Variants in ARHGAP12 observed in about 807,000 individuals in gnomAD.
ARHGAP12 encodes the protein rho GTPase-activating protein 12.
A neutral mutation model predicts 108.6 loss-of-function variants in ARHGAP12; 64 were observed. The ratio of observed to expected loss-of-function variants is 0.59; its 90% CI spans 0.48 to 0.73. The LOEUF (loss-of-function observed/expected upper bound fraction) is 0.73. Among genes scored for constraint, ARHGAP12 ranks in the 30% least tolerant of loss-of-function variants. ARHGAP12 has a pLI of 0.00. For synonymous variants in ARHGAP12, 312 were observed against 337.2 expected (o/e 0.93, Z 0.82); for missense variants, 940 against 1,005.9 (o/e 0.93, Z 0.89).
At chr10:31,817,303 AGAAGAAGAAATATAC>A (rs1297765760) in intron 13 of ARHGAP12, among the ~76,000 whole-genome samples, 1 of 152,226 alleles carries the variant, frequency 6.6e-6, no homozygotes, top group Non-Finnish European at 1.5e-5. Context: ...TTGTATATAA[AGAAGAAGAAATATAC>A]TAGGAACACA....
At chr10:31,919,216 T>G (rs1202833833) in intron 1 of ARHGAP12, among the ~76,000 whole-genome samples, 1 of 152,116 alleles carries the variant, frequency 6.6e-6, no homozygotes, top group Non-Finnish European at 1.5e-5. Context: ...TACCAAGGGA[T>G]GGAGAAAGAC....
intron 3 of ARHGAP12, among the ~76,000 whole-genome samples, chr10:31,897,715 C>T (rs1239248879): frequency 6.6e-6 from 1 of 152,022 alleles, no homozygotes; most frequent in Non-Finnish European, 1.5e-5. Flanking sequence ...TGGCTTTCAA[C>T]CAAAAATTGC....
chr10:31,872,949 T>A (rs1211876667), intron 3 of ARHGAP12, among the ~76,000 whole-genome samples: 3 of 152,130 alleles, frequency 2.0e-5, no homozygotes, highest in Non-Finnish European at 4.4e-5. Flanking sequence ...CCGTTCCCAA[T>A]CACCAAACCA....
intron 4 of ARHGAP12, among the ~76,000 whole-genome samples, chr10:31,857,032 A>C (rs748823918): frequency 3.3e-5 from 5 of 152,214 alleles, no homozygotes; most frequent in Non-Finnish European, 7.3e-5. Flanking sequence ...TTTTGCTGGA[A>C]CATGTCCTTA....
Position 31,908,248 on chromosome 10 carries a change from C to A in ARHGAP12, c.608G>T (p.Gly203Val). 5 of 1,613,986 alleles carry A rather than the reference C, an allele frequency of 3.1e-6. No individual in the cohort carries two copies. Among genetic ancestry groups the A allele is most frequent in the Non-Finnish European group, 4.2e-6 (5 of 1,180,004 alleles). Residue 203 changes from glycine to valine, a missense_variant, in exon 3 of 20, where the codon GGA becomes GTA. Coordinates refer to ENST00000344936, the MANE Select transcript of ARHGAP12 (RefSeq NM_018287.7). ...TTGATGTATTCTTTCAGAGCCTTCT[C>A]CTGCGGAATCACAAGATTGTTCCTG... The part of the protein sequence containing the change: ...FSQEQSCDSA[G>V]EGSERIHQDS...
At chr10:31,925,927 T>G (rs1436187479) in intron 1 of ARHGAP12, among the ~76,000 whole-genome samples, 1 of 152,258 alleles carries the variant, frequency 6.6e-6, no homozygotes, top group Admixed American at 6.5e-5. Flanking sequence ...AATGATATTG[T>G]GAATATACTA....
chr10:31,824,963 C>G (rs1480714501), intron 11 of ARHGAP12, among the ~76,000 whole-genome samples: 1 of 152,128 alleles, frequency 6.6e-6, no homozygotes, highest in Non-Finnish European at 1.5e-5. Context: ...TGCATTAACA[C>G]AAAAGAGCCC....
At chr10:31,903,683 G>C (rs1226082027) in intron 3 of ARHGAP12, among the ~76,000 whole-genome samples, 1 of 151,470 alleles carries the variant, frequency 6.6e-6, no homozygotes, top group African/African-American at 2.4e-5. Context: ...CATGCTGGGA[G>C]AAAATATCTG....
intron 3 of ARHGAP12, among the ~76,000 whole-genome samples, chr10:31,903,985 C>A (rs146192189): frequency 6.6e-6 from 1 of 152,162 alleles, no homozygotes; most frequent in Non-Finnish European, 1.5e-5. Context: ...CGCGGAGGAA[C>A]TGGATTACTC....
rs759154300 is a variant in ARHGAP12, at chr10:31,843,579, G to A, written c.1178C>T (p.Ala393Val). ...TATTTCTCTTTGCTGCTGGGATGAA[G>A]CATTATACTAAAACAAAACAAAGCA... ...RSEWELPKYN[A>V]SSQQQREIIK... The change falls in exon 7 of 20, where the codon GCT (alanine) becomes GTT (valine). Residue 393 changes from alanine (A) to valine (V), a missense_variant. By Grantham distance (64) the Ala-to-Val change is moderately conservative. Transcript: ENST00000344936. 8 of 1,594,296 alleles carry A rather than the reference G, an allele frequency of 5.0e-6. No individual in the cohort carries two copies. Among genetic ancestry groups the A allele is most frequent in the African/African-American group, 2.7e-5 (2 of 73,248 alleles).
chr10:31,890,139 G>C (rs1335275161), intron 3 of ARHGAP12, among the ~76,000 whole-genome samples: 1 of 152,116 alleles, frequency 6.6e-6, no homozygotes, highest in Non-Finnish European at 1.5e-5. Flanking sequence ...TTCTAGAGGG[G>C]AGAAAACTGA....
chr10:31,878,521 TTATTG>T (rs1166618268), intron 3 of ARHGAP12, among the ~76,000 whole-genome samples: 1 of 152,262 alleles, frequency 6.6e-6, no homozygotes, highest in Non-Finnish European at 1.5e-5. Flanking sequence ...TTTGAATGTC[TTATTG>T]TATTTTACAT....
At chr10:31,834,512 A>C (rs1489350747) in intron 9 of ARHGAP12, among the ~76,000 whole-genome samples, 1 of 152,234 alleles carries the variant, frequency 6.6e-6, no homozygotes, top group Non-Finnish European at 1.5e-5. Context: ...AACTGTGAGA[A>C]ATAAATTTCT....
chr10:31,903,257 T>A (rs976252818), intron 3 of ARHGAP12, among the ~76,000 whole-genome samples: 2 of 152,236 alleles, frequency 1.3e-5, no homozygotes, highest in African/African-American at 4.8e-5. Context: ...CATATTATTG[T>A]ACTGAATACT....
chr10:31,923,790 G>A (rs1399657390), intron 1 of ARHGAP12, among the ~76,000 whole-genome samples: 1 of 152,052 alleles, frequency 6.6e-6, no homozygotes, highest in Non-Finnish European at 1.5e-5. Flanking sequence ...AGGGACATGG[G>A]GAATGAATCA....
rs780814291 is a variant in ARHGAP12 at position 31,854,181 on chromosome 10, T to C, written c.974A>G (p.Tyr325Cys). 2.8e-5 allele frequency: 45 copies of C among 1,609,392 alleles called. No individual in the cohort carries two copies. Among genetic ancestry groups the C allele is most frequent in the South Asian group, 6.7e-5 (6 of 89,420 alleles). The change falls in exon 5 of 20, where the codon TAC becomes TGC. Residue 325 changes from tyrosine (Y) to cysteine (C), a missense_variant. Tyr to Cys is a radical substitution (Grantham distance 194). Coordinates refer to ENST00000344936, the MANE Select transcript of ARHGAP12 (RefSeq NM_018287.7). ...QELLSSEENY[Y>C]STSYSQSDSQ... Reference sequence around the variant, plus strand: ...ATCTGACTGGCTGTAAGAAGTGCTGTAGTAGTTTTCTTCCGATGAAAGAAG... The same window carrying C: ...ATCTGACTGGCTGTAAGAAGTGCTGCAGTAGTTTTCTTCCGATGAAAGAAG...
chr10:31,839,812 T>A (rs1836191815), intron 7 of ARHGAP12, 101 bp from the exon 8 acceptor site: 1 of 879,408 alleles, frequency 1.1e-6, no homozygotes, highest in Non-Finnish European at 1.6e-6. Flanking sequence ...ATAACAAATT[T>A]TTTCCTCGTT....
At chr10:31,851,792 A>C (rs1047851957) in intron 6 of ARHGAP12, among the ~76,000 whole-genome samples, 1 of 152,156 alleles carries the variant, frequency 6.6e-6, no homozygotes, top group Admixed American at 6.5e-5. Context: ...CTTTAAATTG[A>C]CTTACTTTGG....
chr10:31,844,542 T>C (rs1345412681), intron 6 of ARHGAP12, among the ~76,000 whole-genome samples: 3 of 151,998 alleles, frequency 2.0e-5, no homozygotes, highest in Non-Finnish European at 4.4e-5. Flanking sequence ...CAATGCTTGT[T>C]TGTTTGTTGA....
Sources: gnomAD v4.1 joint callset for allele counts (sites outside exome capture counted in the v4.1 genomes callset) on GRCh38, gnomAD v4.1.1 for gene constraint, MANE v1.5 for transcripts, NCBI Gene and HGNC (gene_info 2026-07-23, HGNC 2026-07-21) for gene names.